RBFOX1: variants seen among roughly 807,000 people sequenced by gnomAD.
The protein encoded by RBFOX1 is RNA binding fox-1 homolog 1, also known as RNA binding protein fox-1 homolog 1.
Under a neutral mutation model 57.7 loss-of-function variants are expected in RBFOX1, and 8 were observed. The ratio of observed to expected loss-of-function variants is 0.14; its 90% CI spans 0.08 to 0.25. RBFOX1 has a LOEUF of 0.25. Ranked by LOEUF, RBFOX1 falls within the 10% of genes least tolerant of loss-of-function variation. The pLI is 1.00. For missense variants in RBFOX1, 611 were observed against 548.5 expected, an observed-to-expected ratio of 1.11 and a Z score of -1.14; for synonymous variants, 326 against 222.4, an observed-to-expected ratio of 1.47 and a Z score of -4.15.
rs184046843 is a variant in RBFOX1, at chr16:5,808,593, A to C, written c.319-58710A>C. On this transcript the variant is annotated intron_variant, in intron 3 of 19. Coordinates refer to the RBFOX1 transcript ENST00000641259. Reference sequence around the variant, plus strand: ...ATTTGTTTGTATCCTCTTTTATTTCATTGAGCAGTGGTTTATAGTTCTCCT... The same window carrying C: ...ATTTGTTTGTATCCTCTTTTATTTCCTTGAGCAGTGGTTTATAGTTCTCCT... Among the ~76,000 whole-genome samples, 559 of 152,088 alleles carry C rather than the reference A, an allele frequency of 3.7e-3. 3 individuals are homozygous for C. Among genetic ancestry groups the C allele is most frequent in the Non-Finnish European group, 5.8e-3 (394 of 67,992 alleles).
At chr16:7,450,957 A>G (rs536096882) in intron 4 of RBFOX1, among the ~76,000 whole-genome samples, 3 of 152,328 alleles carry the variant, frequency 2.0e-5, no homozygotes, top group South Asian at 4.1e-4. Context: ...GCCTCTGCAC[A>G]TGAAACATAG....
chr16:6,915,348 C>T (rs886624698), intron 3 of RBFOX1, among the ~76,000 whole-genome samples: 1 of 152,144 alleles, frequency 6.6e-6, no homozygotes, highest in Non-Finnish European at 1.5e-5. Context: ...AGGGAGGAAG[C>T]TTGCTCTACA....
intron 1 of RBFOX1, among the ~76,000 whole-genome samples, chr16:6,159,826 A>T (rs561178385): frequency 6.6e-6 from 1 of 152,172 alleles, no homozygotes; most frequent in Non-Finnish European, 1.5e-5. Context: ...TGGGCATGCA[A>T]AGTAACATTG....
chr16:6,631,931 G>A (rs572026934), intron 2 of RBFOX1, among the ~76,000 whole-genome samples: 1 of 152,328 alleles, frequency 6.6e-6, no homozygotes, highest in East Asian at 1.9e-4. Context: ...GGAGAGGTCA[G>A]TAGCGAAATG....
intron 4 of RBFOX1, among the ~76,000 whole-genome samples, chr16:7,171,756 C>A (rs184887108): frequency 1.3e-5 from 2 of 152,332 alleles, no homozygotes; most frequent in East Asian, 3.9e-4. Context: ...CATTATCAAT[C>A]TGTCTCCATA....
At chr16:6,618,951 G>C (rs191639711) in intron 2 of RBFOX1, among the ~76,000 whole-genome samples, 23 of 152,294 alleles carry the variant, frequency 1.5e-4, no homozygotes, top group Admixed American at 1.4e-3. Context: ...ACACATCACA[G>C]AGAATGCAAA....
chr16:5,701,469 A>C (rs537743600), intron 3 of RBFOX1, among the ~76,000 whole-genome samples: 214 of 92,336 alleles, frequency 2.3e-3, no homozygotes, highest in Non-Finnish European at 4.5e-3. Context: ...TGTACAAAGG[A>C]TGGAAGATTT....
rs539182607 is a variant in RBFOX1 at position 5,933,864 on chromosome 16, G to A, written c.351+66529G>A. 7.2e-5 allele frequency among the ~76,000 whole-genome samples: 11 copies of A among 151,966 alleles called. No individual in the cohort carries two copies. The South Asian group carries it at 2.3e-3, about 32-fold the overall frequency. On this transcript the variant is annotated intron_variant, in intron 4 of 19. Coordinates refer to the RBFOX1 transcript ENST00000641259. ...TATATAGGTAAACTCGAGTGATGGG[G>A]GTTTGTTGTACAGATTATTTCATCA...
At chr16:5,570,865 A>T (rs1229542900) in intron 2 of RBFOX1, among the ~76,000 whole-genome samples, 1 of 151,624 alleles carries the variant, frequency 6.6e-6, no homozygotes, top group Non-Finnish European at 1.5e-5. Flanking sequence ...AAAGCATTTC[A>T]TAGATTACAC....
At chr16:6,934,698 G>C (rs1323310011) in intron 3 of RBFOX1, among the ~76,000 whole-genome samples, 4 of 130,282 alleles carry the variant, frequency 3.1e-5, no homozygotes, top group Non-Finnish European at 6.0e-5. Flanking sequence ...ATATGATCTC[G>C]AGATTTTTTT....
At chr16:7,423,005 G>A (rs548068349) in intron 4 of RBFOX1, 4 of 151,934 alleles carry the variant, frequency 2.6e-5, no homozygotes, top group African/African-American at 7.3e-5. Context: ...ACCCAACCTC[G>A]TGCCGGCTGG....
chr16:5,953,110 T>G (rs966011357), intron 4 of RBFOX1, among the ~76,000 whole-genome samples: 1 of 147,048 alleles, frequency 6.8e-6, no homozygotes, highest in Non-Finnish European at 1.5e-5. Flanking sequence ...TGTCAATTGG[T>G]TGGGAGGGTG....
In RBFOX1 at chr16:7,176,383, GA is replaced by G. The variant is rs749323249; in HGVS notation, c.27+124286del. 7.6e-4 allele frequency among the ~76,000 whole-genome samples: 115 copies of G among 152,000 alleles called. 1 individual carries two copies. Among genetic ancestry groups the G allele is most frequent in the Non-Finnish European group, 1.0e-3 (70 of 68,008 alleles). On this transcript the variant is annotated intron_variant, in intron 4 of 15. Transcript: ENST00000550418. Reference sequence around the variant, plus strand: ...GCCTGGCATATAGAGTGTACTTTGTGACTATAATTTGACCACACACAGTTAA... The same window carrying G: ...GCCTGGCATATAGAGTGTACTTTGTGCTATAATTTGACCACACACAGTTAA...
chr16:6,606,831 T>C (rs1421030779), intron 2 of RBFOX1, among the ~76,000 whole-genome samples: 1 of 152,186 alleles, frequency 6.6e-6, no homozygotes, highest in African/African-American at 2.4e-5. Context: ...CGTGCATGTA[T>C]CTTTATAATA....
At chr16:6,290,477 A>G (rs56308757) in intron 1 of RBFOX1, among the ~76,000 whole-genome samples, 4 of 151,938 alleles carry the variant, frequency 2.6e-5, no homozygotes, top group Non-Finnish European at 4.4e-5. Context: ...GAAAGTGAGC[A>G]TCAGTCACTT....
intron 2 of RBFOX1, among the ~76,000 whole-genome samples, chr16:6,602,428 C>T (rs935740186): frequency 2.6e-5 from 4 of 152,088 alleles, no homozygotes; most frequent in African/African-American, 4.8e-5. Flanking sequence ...GATGGTCTCT[C>T]TAGAGCAAGA....
At chr16:5,504,997 G>A (rs1044826833) in intron 2 of RBFOX1, among the ~76,000 whole-genome samples, 2 of 152,198 alleles carry the variant, frequency 1.3e-5, no homozygotes, top group Non-Finnish European at 2.9e-5. Flanking sequence ...GAAGGGTGCA[G>A]GTTTCTTTGA....
At position 6,935,181 on chromosome 16, in the gene RBFOX1, G is replaced by T. The variant is rs184659092; in HGVS notation, c.-15-116876G>T. Among the ~76,000 whole-genome samples, 251 of 152,260 alleles carry T rather than the reference G, an allele frequency of 1.6e-3. 1 individual carries two copies. The highest frequency in any genetic ancestry group is 5.7e-3 in the African/African-American group (236 of 41,560). ...TATCTGGCCTAATTTTCCCATCATCGAAGTGAGATAATAATACATAGCTCA... is the reference window on the plus strand; with the variant it reads ...TATCTGGCCTAATTTTCCCATCATCTAAGTGAGATAATAATACATAGCTCA... On this transcript the variant is annotated intron_variant, in intron 3 of 15. Transcript: ENST00000550418.
In RBFOX1 at chr16:6,799,257, C is replaced by A. The variant is rs547446790; in HGVS notation, c.-16+144607C>A. Among the ~76,000 whole-genome samples, 52 of 152,196 alleles carry A rather than the reference C, an allele frequency of 3.4e-4. 1 individual carries two copies. Among genetic ancestry groups the A allele is most frequent in the Non-Finnish European group, 5.9e-4 (40 of 68,030 alleles). ...GGCTGCTCCATAGACACAGCAGGGC[C>A]ACCCCACAGGCCGAGTAGCACTCCT... On this transcript the variant is annotated intron_variant, in intron 3 of 15. Coordinates refer to ENST00000550418, the MANE Select transcript of RBFOX1 (RefSeq NM_018723.4).
Sources: gnomAD v4.1 joint callset for allele counts (sites outside exome capture counted in the v4.1 genomes callset) on GRCh38, gnomAD v4.1.1 for gene constraint, MANE v1.5 for transcripts, NCBI Gene and HGNC (gene_info 2026-07-23, HGNC 2026-07-21) for gene names.